GRM8: variants seen among roughly 807,000 people sequenced by gnomAD.
The protein encoded by GRM8 is glutamate metabotropic receptor 8.
A neutral mutation model predicts 87.2 loss-of-function variants in GRM8; 47 were observed. The ratio of observed to expected loss-of-function variants is 0.54; its 90% CI spans 0.43 to 0.69. The LOEUF is 0.69. Among genes scored for constraint, GRM8 ranks in the 30% least tolerant of loss-of-function variants. The probability of loss-of-function intolerance (pLI) is 0.00; values close to 1 mark genes in which losing one functional copy is unlikely to be tolerated. For synonymous variants in GRM8, 396 were observed against 404.5 expected, an observed-to-expected ratio of 0.98 and a Z score of 0.25; for missense variants, 1,019 against 1,139.2, an observed-to-expected ratio of 0.89 and a Z score of 1.52.
At chr7:127,017,196 A>G (rs2132177428) in intron 3 of GRM8, among the ~76,000 whole-genome samples, 1 of 152,218 alleles carries the variant, frequency 6.6e-6, no homozygotes, top group East Asian at 1.9e-4. Flanking sequence ...GAAGTTGTCC[A>G]TATCTATCAC....
At chr7:126,867,415 A>G (rs1338275549) in intron 6 of GRM8, among the ~76,000 whole-genome samples, 2 of 152,218 alleles carry the variant, frequency 1.3e-5, no homozygotes, top group East Asian at 3.8e-4. Flanking sequence ...AAACCACTGT[A>G]GGTTTATTTG....
chr7:126,529,623 G>A (rs140789072), intron 9 of GRM8, among the ~76,000 whole-genome samples: 2 of 151,834 alleles, frequency 1.3e-5, no homozygotes, highest in East Asian at 3.9e-4. Flanking sequence ...GTTTTGTTTT[G>A]TTTCCATCGG....
intron 2 of GRM8, among the ~76,000 whole-genome samples, chr7:127,189,080 A>G (rs1053533626): frequency 1.3e-5 from 2 of 152,090 alleles, no homozygotes; most frequent in African/African-American, 4.8e-5. Context: ...TCAAACATCT[A>G]CCCTCAGTGT....
chr7:127,053,939 C>T (rs1005523386), intron 3 of GRM8, among the ~76,000 whole-genome samples: 3 of 152,026 alleles, frequency 2.0e-5, no homozygotes, highest in Non-Finnish European at 2.9e-5. Context: ...ATGCTAGTGA[C>T]ATTAAATGAC....
chr7:126,636,601 A>G (rs907653388), intron 7 of GRM8, among the ~76,000 whole-genome samples: 4 of 152,096 alleles, frequency 2.6e-5, no homozygotes, highest in Admixed American at 2.0e-4. Flanking sequence ...CCAACGATAC[A>G]AAAGAAGATT....
intron 3 of GRM8, chr7:127,057,988 A>G: frequency 3.6e-6 from 1 of 280,972 alleles, no homozygotes; most frequent in South Asian, 3.1e-5. Flanking sequence ...CCTGTAATTT[A>G]TAGTTCAGCT....
At chr7:127,247,671 G>T (rs1172099284) in intron 1 of GRM8, among the ~76,000 whole-genome samples, 1 of 152,088 alleles carries the variant, frequency 6.6e-6, no homozygotes, top group Non-Finnish European at 1.5e-5. Flanking sequence ...ACAGTCACTG[G>T]CTGGTAACAC....
At chr7:126,537,669 T>C (rs917940262) in intron 8 of GRM8, among the ~76,000 whole-genome samples, 3 of 151,860 alleles carry the variant, frequency 2.0e-5, no homozygotes, top group Non-Finnish European at 4.4e-5. Context: ...CCTAGCTACT[T>C]GGGAGGCTGA....
chr7:126,688,555 G>C (rs6948394), intron 7 of GRM8, among the ~76,000 whole-genome samples: 133 of 152,238 alleles, frequency 8.7e-4, no homozygotes, highest in African/African-American at 3.1e-3. Context: ...TAGTTGTCTT[G>C]GGGTGGAGTA....
At chr7:126,727,706 C>CAT (rs1187730768) in intron 7 of GRM8, among the ~76,000 whole-genome samples, 1 of 84,324 alleles carries the variant, frequency 1.2e-5, no homozygotes. Context: ...TGAAATCATA[C>CAT]ACACACACAC....
intron 2 of GRM8, among the ~76,000 whole-genome samples, chr7:127,167,660 A>T (rs1204131671): frequency 6.6e-6 from 1 of 152,082 alleles, no homozygotes; most frequent in Non-Finnish European, 1.5e-5. Flanking sequence ...GGGTACCACG[A>T]ACTGTGCCCA....
At chr7:126,609,602 G>A in intron 7 of GRM8, 104 bp from the exon 8 acceptor site, 1 of 806,438 alleles carries the variant, frequency 1.2e-6, no homozygotes, top group Admixed American at 2.7e-5. Context: ...ATTGTGTGAA[G>A]TAAGTGATGC....
chr7:126,953,802 A>G (rs140235991), intron 3 of GRM8, among the ~76,000 whole-genome samples: 180 of 152,230 alleles, frequency 1.2e-3, no homozygotes, highest in African/African-American at 4.2e-3. Flanking sequence ...AAATGACCCA[A>G]TATTGAACTC....
intron 3 of GRM8, chr7:127,084,440 G>A (rs1823241915): frequency 6.6e-6 from 1 of 151,972 alleles, no homozygotes; most frequent in Non-Finnish European, 1.5e-5. Context: ...TAGACGAAGG[G>A]GCATTAGATA....
intron 3 of GRM8, among the ~76,000 whole-genome samples, chr7:126,940,671 C>T (rs1237713680): frequency 6.6e-6 from 1 of 152,180 alleles, no homozygotes; most frequent in Non-Finnish European, 1.5e-5. Context: ...CTACTGGTAA[C>T]CTCATATAGG....
rs1008812376 is a variant in GRM8 at position 127,252,257 on chromosome 7, C to T, written c.-312+540G>A. 6.6e-6 allele frequency: 1 copy of T among 152,310 alleles called. No homozygotes were observed. The highest frequency in any genetic ancestry group is 1.5e-5 in the Non-Finnish European group (1 of 68,130). The allele number at this position is 152,310 out of a possible 1,614,324, so 9.4% of individuals were successfully genotyped here. A position where few individuals can be genotyped will look rare whatever the true frequency, so the allele number is the denominator to read the frequency against. ...ACGCCCAGTCAGAGCGCCGAGCGCG[C>T]CTGCCCCCTTCCCGTCACCCTTCAG... On this transcript the variant is annotated intron_variant, in intron 1 of 10. Coordinates refer to ENST00000339582, the MANE Select transcript of GRM8 (RefSeq NM_000845.3). This position sits in a 1 kb window ranked among gnomAD's most constrained non-coding sequence, Gnocchi z 4.9.
chr7:126,726,462 T>G (rs934194700), intron 7 of GRM8, among the ~76,000 whole-genome samples: 1 of 152,164 alleles, frequency 6.6e-6, no homozygotes, highest in Non-Finnish European at 1.5e-5. Context: ...GTCCCTGCTC[T>G]GGCCACTGCT....
intron 2 of GRM8, among the ~76,000 whole-genome samples, chr7:127,207,556 T>C (rs1795982276): frequency 1.3e-5 from 2 of 152,132 alleles, no homozygotes; most frequent in South Asian, 4.2e-4. Flanking sequence ...CCCATCATAA[T>C]CCTGCTAGGA....
At chr7:127,119,498 T>TCA (rs1208041004) in intron 2 of GRM8, among the ~76,000 whole-genome samples, 2 of 138,518 alleles carry the variant, frequency 1.4e-5, no homozygotes, top group East Asian at 2.1e-4. Context: ...TCTCTCTCTC[T>TCA]CTCACACACA....
Sources: allele counts gnomAD v4.1 joint callset (sites outside exome capture counted in the v4.1 genomes callset), GRCh38; gene constraint gnomAD v4.1.1; non-coding constraint Gnocchi (gnomAD v3.1); transcripts MANE v1.5; gene names NCBI Gene and HGNC (gene_info 2026-07-23, HGNC 2026-07-21).